The following IGSF11 variants were observed in gnomAD, a reference collection of about 807,000 sequenced individuals.
IGSF11 encodes immunoglobulin superfamily member 11.
In IGSF11, 22 loss-of-function variants were observed where a neutral mutation model predicts 41.0. The ratio of observed to expected loss-of-function variants is 0.54; its 90% CI spans 0.38 to 0.77. IGSF11 has a LOEUF of 0.77. Among genes scored for constraint, IGSF11 ranks in the 30% least tolerant of loss-of-function variants. The pLI, the probability that IGSF11 is intolerant of heterozygous loss-of-function variation, is 0.00. For synonymous variants in IGSF11, 219 were observed against 201.3 expected, an observed-to-expected ratio of 1.09 and a Z score of -0.74; for missense variants, 444 against 530.8, an observed-to-expected ratio of 0.84 and a Z score of 1.61.
chr3:119,134,164 A>G (rs966082213), intron 1 of IGSF11, among the ~76,000 whole-genome samples: 2 of 149,894 alleles, frequency 1.3e-5, no homozygotes, highest in African/African-American at 4.9e-5. Context: ...CAAGACAAGG[A>G]TGCCCTCTCT....
At chr3:119,092,567 T>G (rs2076781564) in intron 1 of IGSF11, among the ~76,000 whole-genome samples, 1 of 152,108 alleles carries the variant, frequency 6.6e-6, no homozygotes, top group Non-Finnish European at 1.5e-5. Flanking sequence ...TGACCTCAGG[T>G]GATCCACTCC....
chr3:118,965,520 T>C (rs781316283), intron 1 of IGSF11, among the ~76,000 whole-genome samples: 7 of 149,778 alleles, frequency 4.7e-5, no homozygotes, highest in Non-Finnish European at 8.9e-5. Context: ...AGTCATCTTA[T>C]GCCAGATAGA....
chr3:118,965,116 T>C (rs1312220432), intron 1 of IGSF11, among the ~76,000 whole-genome samples: 2 of 152,132 alleles, frequency 1.3e-5, no homozygotes, highest in Non-Finnish European at 2.9e-5. Flanking sequence ...TTTAAAAATC[T>C]GATAAAACTC....
At chr3:119,131,575 C>A (rs2077482201) in intron 1 of IGSF11, among the ~76,000 whole-genome samples, 1 of 152,188 alleles carries the variant, frequency 6.6e-6, no homozygotes. Context: ...CTACGTTTGA[C>A]TGGTGGACCT....
intron 1 of IGSF11, among the ~76,000 whole-genome samples, chr3:119,116,476 C>CAGAAATTATATCAGTGA (rs2077257612): frequency 1.3e-5 from 2 of 152,214 alleles, no homozygotes; most frequent in South Asian, 4.2e-4. Context: ...ATCACCTTTG[C>CAGAAATTATATCAGTGA]AGAAATTATA....
At chr3:119,033,755 G>A in intron 1 of IGSF11, among the ~76,000 whole-genome samples, 1 of 152,110 alleles carries the variant, frequency 6.6e-6, no homozygotes, top group East Asian at 1.9e-4. Flanking sequence ...TTCCACAGGA[G>A]AATGCACACA....
intron 1 of IGSF11, among the ~76,000 whole-genome samples, chr3:119,040,280 AC>A (rs1173898464): frequency 6.6e-6 from 1 of 152,100 alleles, no homozygotes; most frequent in African/African-American, 2.4e-5. Context: ...GCTTTGACTC[AC>A]TATAATTTCA....
intron 1 of IGSF11, among the ~76,000 whole-genome samples, chr3:118,997,559 G>T (rs1236082244): frequency 1.0e-5 from 1 of 98,934 alleles, no homozygotes; most frequent in Non-Finnish European, 2.1e-5. Flanking sequence ...CCCTCCCCCG[G>T]CTCCCTGATG....
chr3:118,952,180 G>A (rs1236789670), intron 1 of IGSF11, among the ~76,000 whole-genome samples: 1 of 152,124 alleles, frequency 6.6e-6, no homozygotes, highest in East Asian at 1.9e-4. Flanking sequence ...ACGATCATCT[G>A]AGCCTTCAGT....
At chr3:119,125,231 G>A (rs1364223240) in intron 1 of IGSF11, among the ~76,000 whole-genome samples, 3 of 152,212 alleles carry the variant, frequency 2.0e-5, no homozygotes, top group Non-Finnish European at 4.4e-5. Flanking sequence ...GGCCGGCAGT[G>A]CCAAGATGGC....
chr3:119,121,637 T>C (rs1247227416), intron 1 of IGSF11, among the ~76,000 whole-genome samples: 1 of 150,818 alleles, frequency 6.6e-6, no homozygotes, highest in African/African-American at 2.4e-5. Flanking sequence ...AAAAAGAGAA[T>C]GGGACTGAAA....
In IGSF11 at chr3:119,101,940, A is replaced by G. The variant is rs2107506668; in HGVS notation, c.49+3204T>C. On this transcript the variant is annotated intron_variant, in intron 1 of 6. Coordinates refer to the IGSF11 transcript ENST00000354673. ...TTAGTACTTGTCTTTAAAGTTTTAA[A>G]TACATGTACTTTCAATTACTTCATC... Among the ~76,000 whole-genome samples the G allele has an allele frequency of 1.3e-5, 2 of 152,350 alleles. 1 individual carries two copies. Among genetic ancestry groups the G allele is most frequent in the South Asian group, 4.1e-4 (2 of 4,832 alleles).
intron 1 of IGSF11, among the ~76,000 whole-genome samples, chr3:119,068,838 T>A (rs1942309476): frequency 6.6e-6 from 1 of 151,898 alleles, no homozygotes; most frequent in African/African-American, 2.4e-5. Context: ...AAAGAGATCA[T>A]AACTTACAGT....
chr3:118,998,024 C>T (rs1936443023), intron 1 of IGSF11, among the ~76,000 whole-genome samples: 1 of 152,118 alleles, frequency 6.6e-6, no homozygotes, highest in South Asian at 2.1e-4. Flanking sequence ...TGTATACAAA[C>T]ACTTCAAGTT....
At chr3:118,973,107 T>C (rs1286579257) in intron 1 of IGSF11, among the ~76,000 whole-genome samples, 2 of 152,202 alleles carry the variant, frequency 1.3e-5, no homozygotes, top group African/African-American at 4.8e-5. Context: ...TCTCTGCTGC[T>C]CTCTCACCCA....
intron 1 of IGSF11, among the ~76,000 whole-genome samples, chr3:119,102,918 G>A (rs944100844): frequency 2.7e-5 from 4 of 150,596 alleles, no homozygotes; most frequent in Non-Finnish European, 4.4e-5. Context: ...GGAGTTCTTC[G>A]TTTTGAGTTC....
intron 1 of IGSF11, among the ~76,000 whole-genome samples, chr3:118,977,959 C>T (rs963290123): frequency 1.3e-5 from 2 of 152,190 alleles, no homozygotes; most frequent in African/African-American, 4.8e-5. Context: ...GGCGGCCATG[C>T]ATTCTCATGC....
chr3:118,957,387 CAG>C (rs1236157432), intron 1 of IGSF11, among the ~76,000 whole-genome samples: 2 of 152,130 alleles, frequency 1.3e-5, no homozygotes, highest in African/African-American at 4.8e-5. Flanking sequence ...TAAAATTAAA[CAG>C]AGTTAATTAT....
chr3:118,905,431 C>G (rs972994207), intron 5 of IGSF11, among the ~76,000 whole-genome samples, 165 bp downstream of exon 5: 5 of 152,090 alleles, frequency 3.3e-5, no homozygotes, highest in African/African-American at 1.2e-4. Context: ...GGAAAGTATA[C>G]TAAAACATTT....
Sources: allele counts gnomAD v4.1 joint callset (sites outside exome capture counted in the v4.1 genomes callset), GRCh38; gene constraint gnomAD v4.1.1; transcripts MANE v1.5; gene names NCBI Gene and HGNC (gene_info 2026-07-23, HGNC 2026-07-21).